The following MET variants were observed in gnomAD, a reference collection of about 807,000 sequenced individuals.
MET encodes hepatocyte growth factor receptor.
In MET, 48 loss-of-function variants were observed where a neutral mutation model predicts 133.1. The observed-to-expected ratio is 0.36, with a 90% confidence interval of 0.29 to 0.46. MET has a LOEUF of 0.46. Ranked by LOEUF, MET falls within the 20% of genes least tolerant of loss-of-function variation. MET has a pLI of 1.00. For synonymous variants in MET, 628 were observed against 616.5 expected, an observed-to-expected ratio of 1.02 and a Z score of -0.28; for missense variants, 1,442 against 1,695.9, an observed-to-expected ratio of 0.85 and a Z score of 2.63.
chr7:116,687,037 C>T (rs974937849), intron 1 of MET, among the ~76,000 whole-genome samples: 1 of 152,208 alleles, frequency 6.6e-6, no homozygotes, highest in Non-Finnish European at 1.5e-5. Context: ...ACAGCCTGGG[C>T]GTGTTGCAGG....
At chr7:116,712,626 T>A (rs1018807799) in intron 2 of MET, among the ~76,000 whole-genome samples, 1 of 151,320 alleles carries the variant, frequency 6.6e-6, no homozygotes, top group Non-Finnish European at 1.5e-5. Flanking sequence ...AATTGGGGAG[T>A]TTTCAAGAGC....
At chr7:116,713,171 G>A (rs998353995) in intron 2 of MET, among the ~76,000 whole-genome samples, 4 of 152,156 alleles carry the variant, frequency 2.6e-5, no homozygotes, top group African/African-American at 4.8e-5. Context: ...CGAGGTGGGC[G>A]GATCACGAGG....
intron 5 of MET, among the ~76,000 whole-genome samples, chr7:116,743,555 C>T (rs956672615): frequency 4.6e-5 from 7 of 152,214 alleles, no homozygotes; most frequent in African/African-American, 1.7e-4. Context: ...GGGGTGTCCA[C>T]CATTACTGAG....
At chr7:116,701,275 C>CTCT in intron 2 of MET, among the ~76,000 whole-genome samples, 1 of 152,094 alleles carries the variant, frequency 6.6e-6, no homozygotes, top group Admixed American at 6.6e-5. Context: ...TATAGCTTTT[C>CTCT]TAAAGACAGT....
chr7:116,795,906 T>G lies in MET; in HGVS notation c.3955T>G (p.Cys1319Gly). 6.2e-7 allele frequency: 1 copy of G among 1,614,226 alleles called. No homozygotes were observed. The highest frequency in any genetic ancestry group is 8.5e-7 in the Non-Finnish European group (1 of 1,180,030). Residue 1319 changes from cysteine to glycine, a missense_variant, in exon 21 of 21, where the codon TGC (cysteine) becomes GGC (glycine). Physicochemically the swap from Cys to Gly is radical, Grantham distance 159. Around this residue, in one of 6 missense-constraint regions of MET, gnomAD observed 94 missense variants for 109.5 expected, o/e 0.86. Transcript: ENST00000397752. ...PDPLYEVMLK[C>G]WHPKAEMRPS... is the part of the protein sequence containing the mutation. ...GAACAGATATGAAGTAATGCTAAAA[T>G]GCTGGCACCCTAAAGCCGAAATGCG...
intron 1 of MET, among the ~76,000 whole-genome samples, chr7:116,691,624 C>G (rs1796780798): frequency 6.6e-6 from 1 of 152,200 alleles, no homozygotes; most frequent in Non-Finnish European, 1.5e-5. Flanking sequence ...AGGAGCCTGC[C>G]TCCCTCCGTG....
intron 1 of MET, among the ~76,000 whole-genome samples, chr7:116,674,906 G>T (rs1796100794): frequency 6.6e-6 from 1 of 152,198 alleles, no homozygotes; most frequent in South Asian, 2.1e-4. Context: ...TCCTTGGTCT[G>T]CTGTGTTTAT....
intron 19 of MET, among the ~76,000 whole-genome samples, chr7:116,789,080 A>C (rs1402529434): frequency 1.3e-5 from 2 of 152,168 alleles, no homozygotes; most frequent in Non-Finnish European, 2.9e-5. Flanking sequence ...ACATTATTGT[A>C]ACCCTCATTT....
At chr7:116,726,108 T>A (rs1474872589) in intron 2 of MET, among the ~76,000 whole-genome samples, 2 of 57,714 alleles carry the variant, frequency 3.5e-5, no homozygotes, top group Admixed American at 4.2e-4. Context: ...TATCACTGAT[T>A]GAAATGTCAT....
intron 2 of MET, among the ~76,000 whole-genome samples, chr7:116,723,821 G>A (rs1374151019): frequency 6.6e-5 from 10 of 152,318 alleles, no homozygotes; most frequent in Non-Finnish European, 8.8e-5. Flanking sequence ...GGACCCACTT[G>A]AGGAGGCAGT....
chr7:116,769,317 T>C (rs746172777), intron 11 of MET, among the ~76,000 whole-genome samples: 1 of 152,186 alleles, frequency 6.6e-6, no homozygotes, highest in Non-Finnish European at 1.5e-5. Context: ...TTGCCAAACA[T>C]TGATACCCCC....
intron 2 of MET, among the ~76,000 whole-genome samples, chr7:116,712,589 C>T (rs1792041239): frequency 6.6e-6 from 1 of 152,122 alleles, no homozygotes; most frequent in African/African-American, 2.4e-5. Flanking sequence ...CCGTCTCTCC[C>T]CTAAATCCCT....
chr7:116,726,534 G>A (rs933423905), intron 2 of MET, among the ~76,000 whole-genome samples: 1 of 152,044 alleles, frequency 6.6e-6, no homozygotes, highest in Non-Finnish European at 1.5e-5. Context: ...CGTAAAGAGA[G>A]ATTTTAGAAA....
chr7:116,721,754 T>C (rs1792493352), intron 2 of MET, among the ~76,000 whole-genome samples: 1 of 152,080 alleles, frequency 6.6e-6, no homozygotes, highest in African/African-American at 2.4e-5. Flanking sequence ...CCAGTAGTCA[T>C]TCAGGAGCAG....
In MET at chr7:116,787,592, A is replaced by AC. The variant is rs1410744156; in HGVS notation, c.3798+4124dup. On this transcript the variant is annotated intron_variant, in intron 19 of 20. Coordinates refer to ENST00000397752, the MANE Select transcript of MET (RefSeq NM_000245.4). ...AACAAACCCCCTTCCACAATAATGA[A>AC]CTGACTCCCAAGATAATGACATTAA... is the stretch of plus-strand genomic sequence containing the variant. 3.9e-5 allele frequency among the ~76,000 whole-genome samples: 6 copies of AC among 152,288 alleles called. No homozygotes were observed. The East Asian group carries it at 1.2e-3, about 29-fold the overall frequency.
intron 1 of MET, among the ~76,000 whole-genome samples, chr7:116,698,456 A>G (rs1797043154): frequency 6.6e-6 from 1 of 152,218 alleles, no homozygotes; most frequent in African/African-American, 2.4e-5. Flanking sequence ...GTCTAAAACA[A>G]TAGGTTAACT....
intron 2 of MET, among the ~76,000 whole-genome samples, chr7:116,716,017 G>A (rs971749562): frequency 6.6e-6 from 1 of 152,114 alleles, no homozygotes; most frequent in Non-Finnish European, 1.5e-5. Context: ...TTGGGAGGTC[G>A]AGGTGGAAGG....
At chr7:116,678,994 C>T (rs1041566754) in intron 1 of MET, among the ~76,000 whole-genome samples, 2 of 152,062 alleles carry the variant, frequency 1.3e-5, no homozygotes, top group Non-Finnish European at 2.9e-5. Flanking sequence ...ATCTTGCAAC[C>T]ATGACAGTAT....
Position 116,700,148 on chromosome 7 carries a change from A to C in MET, c.1064A>C (p.Glu355Ala), listed in dbSNP as rs1229593922. Residue 355 changes from glutamate to alanine, a missense_variant, in exon 2 of 21, where the codon GAA becomes GCA. Coordinates refer to ENST00000397752, the MANE Select transcript of MET (RefSeq NM_000245.4). ...GCACAAAGCAAGCCAGATTCTGCCG[A>C]ACCAATGGATCGATCTGCCATGTGT... ...VFAQSKPDSA[E>A]PMDRSAMCAF... The C allele has an allele frequency of 6.3e-7, 1 of 1,597,402 alleles. No homozygotes were observed. The highest frequency in any genetic ancestry group is 8.5e-7 in the Non-Finnish European group (1 of 1,172,392).
Sources: allele counts gnomAD v4.1 joint callset (sites outside exome capture counted in the v4.1 genomes callset), GRCh38; gene constraint gnomAD v4.1.1; regional missense constraint gnomAD v4.1.1; transcripts MANE v1.5; gene names NCBI Gene and HGNC (gene_info 2026-07-23, HGNC 2026-07-21).